Variants in RMST observed in about 807,000 individuals in gnomAD.
The protein encoded by RMST is rhabdomyosarcoma 2 associated transcript.
chr12:97,479,773 C>T (rs1875007651), intron 5 of RMST, among the ~76,000 whole-genome samples: 2 of 152,196 alleles, frequency 1.3e-5, no homozygotes, highest in South Asian at 4.1e-4. Context: ...CATCCACCAT[C>T]ATGGTTTGTA....
intron 10 of RMST, among the ~76,000 whole-genome samples, chr12:97,524,945 A>C (rs1001305818): frequency 1.2e-4 from 18 of 152,208 alleles, no homozygotes; most frequent in African/African-American, 4.3e-4. Context: ...TCAGATCACA[A>C]TTTATTGTGT....
chr12:97,530,384 T>G (rs1451239232), intron 10 of RMST: 1 of 152,084 alleles, frequency 6.6e-6, no homozygotes, highest in Non-Finnish European at 1.5e-5. Flanking sequence ...TTGTCACTCC[T>G]CGGAAAGCAA....
intron 13 of RMST, chr12:97,563,399 G>GC (rs1240036230): frequency 4.5e-6 from 1 of 221,606 alleles, no homozygotes; most frequent in African/African-American, 2.4e-5. Flanking sequence ...CTAAAAGCCA[G>GC]CATGGGTATG....
intron 10 of RMST, among the ~76,000 whole-genome samples, chr12:97,524,074 T>TAAAAAAAAA (rs1880813700): frequency 2.8e-4 from 1 of 3,616 alleles, no homozygotes; most frequent in Non-Finnish European, 7.5e-4. Flanking sequence ...AGACTCTGTC[T>TAAAAAAAAA]CAAAAAAAAA....
intron 5 of RMST, among the ~76,000 whole-genome samples, chr12:97,475,982 G>A (rs1041783714): frequency 1.3e-5 from 2 of 152,148 alleles, no homozygotes; most frequent in African/African-American, 4.8e-5. Flanking sequence ...TTAAGTGGCT[G>A]TGGAGGACTA....
chr12:97,517,239 A>G (rs1880029369), intron 10 of RMST, among the ~76,000 whole-genome samples: 1 of 152,034 alleles, frequency 6.6e-6, no homozygotes, highest in Non-Finnish European at 1.5e-5. Context: ...TCAAACAGAA[A>G]GGAAGCCAGC....
chr12:97,518,476 T>G (rs1353690197), intron 10 of RMST, among the ~76,000 whole-genome samples: 2 of 152,182 alleles, frequency 1.3e-5, no homozygotes, highest in African/African-American at 4.8e-5. Context: ...CACTGCCTCA[T>G]AGAGATTAAC....
intron 5 of RMST, among the ~76,000 whole-genome samples, chr12:97,480,217 G>C (rs1448919522): frequency 1.3e-5 from 2 of 151,668 alleles, no homozygotes; most frequent in Non-Finnish European, 2.9e-5. Flanking sequence ...AGCCTCCCGA[G>C]TAGCTGGGAC....
At chr12:97,515,577 A>G (rs192103772) in intron 10 of RMST, among the ~76,000 whole-genome samples, 499 of 152,202 alleles carry the variant, frequency 3.3e-3, no homozygotes, top group South Asian at 7.5e-3. Flanking sequence ...TATCAAACAC[A>G]CAGTAGGAGC....
intron 10 of RMST, among the ~76,000 whole-genome samples, chr12:97,526,538 A>G (rs951360894): frequency 1.3e-5 from 2 of 152,316 alleles, no homozygotes; most frequent in African/African-American, 4.8e-5. Flanking sequence ...AGGTCTTCAC[A>G]TTCAAAGTCC....
chr12:97,508,783 CAGA>C (rs1039119457), intron 10 of RMST, among the ~76,000 whole-genome samples: 4 of 152,092 alleles, frequency 2.6e-5, no homozygotes, highest in Non-Finnish European at 4.4e-5. Flanking sequence ...AGGAGTTTAA[CAGA>C]AGGACAGGAG....
At chr12:97,499,657 C>CTTTTTTTTTTTT (rs540776298) in intron 10 of RMST, among the ~76,000 whole-genome samples, 5 of 131,912 alleles carry the variant, frequency 3.8e-5, no homozygotes, top group African/African-American at 5.9e-5. Context: ...TTTTTTCTTT[C>CTTTTTTTTTTTT]TTTTTTTTTT....
chr12:97,556,269 C>T (rs1478625807), intron 11 of RMST, among the ~76,000 whole-genome samples: 2 of 152,114 alleles, frequency 1.3e-5, no homozygotes, highest in South Asian at 2.1e-4. Flanking sequence ...GGCAAAAATA[C>T]GTGAATTTCT....
chr12:97,534,951 T>A (rs941284903), intron 11 of RMST, among the ~76,000 whole-genome samples: 2 of 151,722 alleles, frequency 1.3e-5, no homozygotes, highest in Non-Finnish European at 3.0e-5. Flanking sequence ...TTAGAGTAGA[T>A]GTACTATAAG....
At chr12:97,541,360 A>G (rs1338097143) in intron 11 of RMST, 1 of 151,784 alleles carries the variant, frequency 6.6e-6, no homozygotes. Flanking sequence ...AAAACAAGGT[A>G]ATAATACTGT....
chr12:97,482,708 T>TAAA lies in RMST; in HGVS notation n.645-9753_645-9752insAAA, dbSNP rs1555229911. 2.1e-4 allele frequency among the ~76,000 whole-genome samples: 15 copies of TAAA among 70,658 alleles called. 3 individuals carry two copies. The highest frequency in any genetic ancestry group is 1.6e-3 in the Admixed American group (12 of 7,496). 46.4% of individuals were successfully genotyped at this position (70,658 alleles called of 152,430 possible). ...ATTTATTATTTATTTAATAAATAAA[T>TAAA]TTATATTATTTATTTATTAAATAAA... is the stretch of plus-strand genomic sequence containing the variant. On this transcript the variant is annotated intron_variant and non_coding_transcript_variant, in intron 5 of 13. Coordinates refer to ENST00000640149, the Ensembl canonical transcript of RMST.
chr12:97,499,628 TTTTTTC>T (rs1225863892), intron 10 of RMST, among the ~76,000 whole-genome samples: 6 of 151,342 alleles, frequency 4.0e-5, no homozygotes, highest in South Asian at 2.1e-4. Context: ...CTTTTTCTTT[TTTTTTC>T]TTTTTCTTTT....
At chr12:97,519,745 T>C (rs1880318053) in intron 10 of RMST, among the ~76,000 whole-genome samples, 2 of 152,200 alleles carry the variant, frequency 1.3e-5, no homozygotes, top group Non-Finnish European at 2.9e-5. Flanking sequence ...AGGCACAGAA[T>C]CCTAAGTGCC....
intron 5 of RMST, among the ~76,000 whole-genome samples, chr12:97,478,749 T>G (rs1351949661): frequency 6.6e-6 from 1 of 152,234 alleles, no homozygotes; most frequent in Non-Finnish European, 1.5e-5. Context: ...AGACTTTTAG[T>G]GAACACTAAT....
Sources: gnomAD v4.1 joint callset for allele counts (sites outside exome capture counted in the v4.1 genomes callset) on GRCh38, gnomAD v4.1.1 for gene constraint, MANE v1.5 for transcripts, NCBI Gene and HGNC (gene_info 2026-07-23, HGNC 2026-07-21) for gene names.